The following WWP1 variants were observed in gnomAD, a reference collection of about 807,000 sequenced individuals.
WWP1 encodes the protein NEDD4-like E3 ubiquitin-protein ligase WWP1.
Under a neutral mutation model 130.6 loss-of-function variants are expected in WWP1, and 49 were observed. The observed-to-expected ratio is 0.38, with a 90% CI of 0.30 to 0.48. WWP1 has a LOEUF of 0.48. Among genes scored for constraint, WWP1 ranks in the 20% least tolerant of loss-of-function variants. WWP1 has a pLI of 0.99. For synonymous variants in WWP1, 332 were observed against 367.8 expected (o/e 0.90, Z 1.11); for missense variants, 809 against 1,100.6 (o/e 0.74, Z 3.75).
rs114435010 is a variant in WWP1, at chr8:86,450,832, T to A, written c.2274-1727T>A. ...GGTGGAAATATATATGAAGTACTAC[T>A]GGAATCCAAAGTGGGAAGAGAGCTA... On this transcript the variant is annotated intron_variant, in intron 20 of 24. Coordinates refer to ENST00000517970, the MANE Select transcript of WWP1 (RefSeq NM_007013.4). Among the ~76,000 whole-genome samples, 1,113 of 152,226 alleles carry A rather than the reference T, an allele frequency of 7.3e-3. 12 individuals are homozygous for A. The highest frequency in any genetic ancestry group is 0.026 in the African/African-American group (1,065 of 41,538).
intron 22 of WWP1, 69 bp downstream of exon 22, chr8:86,458,094 A>G (rs1811556693): frequency 5.4e-6 from 7 of 1,294,338 alleles, no homozygotes; most frequent in Non-Finnish European, 5.4e-6. Flanking sequence ...GGTTTTAAAA[A>G]TAGCTTATTA....
intron 22 of WWP1, among the ~76,000 whole-genome samples, chr8:86,459,919 G>A (rs1811668123): frequency 6.6e-6 from 1 of 152,222 alleles, no homozygotes; most frequent in Admixed American, 6.5e-5. Flanking sequence ...CTTGTTTCTT[G>A]TGTTCTGATG....
At chr8:86,349,930 C>T (rs1027636647) in intron 1 of WWP1, among the ~76,000 whole-genome samples, 1 of 151,962 alleles carries the variant, frequency 6.6e-6, no homozygotes, top group African/African-American at 2.4e-5. Context: ...GATTTGAGAC[C>T]TAGGGGAGAA....
intron 21 of WWP1, among the ~76,000 whole-genome samples, chr8:86,454,555 A>G (rs1678987242): frequency 6.6e-6 from 1 of 152,126 alleles, no homozygotes; most frequent in Non-Finnish European, 1.5e-5. Flanking sequence ...TTTAAAAACC[A>G]TCGACTTCAT....
At chr8:86,382,210 A>G (rs2130370855) in intron 5 of WWP1, among the ~76,000 whole-genome samples, 1 of 152,298 alleles carries the variant, frequency 6.6e-6, no homozygotes, top group East Asian at 1.9e-4. Context: ...TAGAAATTTA[A>G]CAATATACCA....
chr8:86,402,272 C>T, intron 8 of WWP1, 69 bp downstream of exon 8: 2 of 1,500,500 alleles, frequency 1.3e-6, no homozygotes, highest in East Asian at 4.7e-5. Flanking sequence ...CCATCCATGC[C>T]TACACTTCCC....
chr8:86,351,791 T>G (rs538642596), intron 1 of WWP1, among the ~76,000 whole-genome samples: 1 of 152,308 alleles, frequency 6.6e-6, no homozygotes, highest in East Asian at 1.9e-4. Context: ...GACCAGTGTT[T>G]GTCAAAGCGC....
At chr8:86,430,490 TG>T (rs1367369613) in intron 11 of WWP1, among the ~76,000 whole-genome samples, 4 of 152,120 alleles carry the variant, frequency 2.6e-5, no homozygotes, top group Non-Finnish European at 4.4e-5. Context: ...TCTTCCAGGC[TG>T]GTCTTGAACT....
At chr8:86,430,625 G>A in intron 11 of WWP1, 72 bp from the exon 12 acceptor site, 3 of 1,264,684 alleles carry the variant, frequency 2.4e-6, no homozygotes, top group Non-Finnish European at 2.2e-6. Flanking sequence ...TCTGCCACAT[G>A]CTTGGCTTAT....
At chr8:86,455,784 A>G (rs1053428961) in intron 21 of WWP1, among the ~76,000 whole-genome samples, 1 of 151,990 alleles carries the variant, frequency 6.6e-6, no homozygotes, top group Admixed American at 6.6e-5. Flanking sequence ...TCAAAATTAG[A>G]AGGAAATACA....
chr8:86,450,729 A>G lies in WWP1; in HGVS notation c.2274-1830A>G, dbSNP rs116113461. Among the ~76,000 whole-genome samples the G allele has an allele frequency of 2.8e-3, 426 of 152,324 alleles. 1 individual carries two copies. The highest frequency in any genetic ancestry group is 9.4e-3 in the African/African-American group (391 of 41,576). On this transcript the variant is annotated intron_variant, in intron 20 of 24. Coordinates refer to ENST00000517970, the MANE Select transcript of WWP1 (RefSeq NM_007013.4). Reference sequence around the variant, plus strand: ...TAATCTTGCTCTTGAAAATTATATGATAACACTCTTGTTTAGTTGTGATAC... The same window carrying G: ...TAATCTTGCTCTTGAAAATTATATGGTAACACTCTTGTTTAGTTGTGATAC...
chr8:86,418,786 A>C (rs986194640), intron 9 of WWP1, among the ~76,000 whole-genome samples: 1 of 152,142 alleles, frequency 6.6e-6, no homozygotes, highest in Non-Finnish European at 1.5e-5. Context: ...AGCCTTTGAA[A>C]GGTTAGTAAG....
chr8:86,401,153 T>C (rs1807956220), intron 7 of WWP1, among the ~76,000 whole-genome samples: 2 of 152,144 alleles, frequency 1.3e-5, no homozygotes, highest in Admixed American at 1.3e-4. Context: ...TGGGGTATAA[T>C]ATTTAGCTTT....
At chr8:86,382,784 G>A (rs192331016) in intron 5 of WWP1, among the ~76,000 whole-genome samples, 20 of 152,276 alleles carry the variant, frequency 1.3e-4, no homozygotes, top group Admixed American at 3.3e-4. Context: ...TTAGTTTCCC[G>A]TTGTCTGACA....
Position 86,408,419 on chromosome 8 carries a change from A to G in WWP1, c.725-3119A>G, listed in dbSNP as rs1350927229. Among the ~76,000 whole-genome samples the G allele has an allele frequency of 3.3e-5, 5 of 152,318 alleles. No individual in the cohort carries two copies. In the East Asian group the frequency reaches 9.6e-4, roughly 29 times the overall value. On this transcript the variant is annotated intron_variant, in intron 8 of 24. Coordinates refer to ENST00000517970, the MANE Select transcript of WWP1 (RefSeq NM_007013.4). Reference sequence around the variant, plus strand: ...TTAAAGTATGTTTACTTTTGTAACAAACGGCCAAACTGTCTTCCAAAGTGG... The same window carrying G: ...TTAAAGTATGTTTACTTTTGTAACAGACGGCCAAACTGTCTTCCAAAGTGG...
chr8:86,396,674 G>A (rs927476038), intron 5 of WWP1, among the ~76,000 whole-genome samples: 2 of 150,648 alleles, frequency 1.3e-5, no homozygotes, highest in South Asian at 4.2e-4. Flanking sequence ...ACTTGCTGCA[G>A]CCTCGAACTC....
intron 22 of WWP1, 128 bp from the exon 23 acceptor site, chr8:86,461,096 A>C: frequency 1.2e-6 from 1 of 820,942 alleles, no homozygotes; most frequent in Non-Finnish European, 1.9e-6. Flanking sequence ...GGTGTGAGCC[A>C]CCACGCCCAA....
intron 5 of WWP1, among the ~76,000 whole-genome samples, chr8:86,389,998 G>A (rs1280942982): frequency 2.0e-5 from 3 of 150,358 alleles, no homozygotes; most frequent in Non-Finnish European, 3.0e-5. Context: ...CGGCAGAGAC[G>A]CTCCTCACCT....
chr8:86,418,613 A>C (rs1809020481), intron 9 of WWP1, among the ~76,000 whole-genome samples: 1 of 152,156 alleles, frequency 6.6e-6, no homozygotes, highest in African/African-American at 2.4e-5. Context: ...TGAAGATGAC[A>C]CTGTAAATGG....
Sources: allele counts gnomAD v4.1 joint callset (sites outside exome capture counted in the v4.1 genomes callset), GRCh38; gene constraint gnomAD v4.1.1; transcripts MANE v1.5; gene names NCBI Gene and HGNC (gene_info 2026-07-23, HGNC 2026-07-21).